Variants in CCNJL observed in about 807,000 individuals in gnomAD.
CCNJL encodes the protein cyclin-J-like protein.
Under a neutral mutation model 33.4 loss-of-function variants are expected in CCNJL, and 33 were observed. That is an observed-to-expected ratio of 0.99 (90% CI 0.75 to 1.32). The LOEUF (loss-of-function observed/expected upper bound fraction) is 1.32. CCNJL is among the 40% of genes most tolerant of loss of function. The probability of loss-of-function intolerance (pLI) is 0.00; values close to 1 mark genes in which losing one functional copy is unlikely to be tolerated. For missense variants in CCNJL, 512 were observed against 499.7 expected, an observed-to-expected ratio of 1.02 and a Z score of -0.23; for synonymous variants, 227 against 220.9, an observed-to-expected ratio of 1.03 and a Z score of -0.24.
chr5:160,292,669 T>C (rs1424929310), intron 2 of CCNJL, among the ~76,000 whole-genome samples: 2 of 136,874 alleles, frequency 1.5e-5, no homozygotes, highest in African/African-American at 3.2e-5. Context: ...TGTGTGTGTA[T>C]ATATATATAG....
intron 2 of CCNJL, among the ~76,000 whole-genome samples, chr5:160,308,418 G>A (rs899567797): frequency 4.6e-5 from 7 of 152,228 alleles, no homozygotes; most frequent in Admixed American, 1.3e-4. Context: ...GTCTCTTCTC[G>A]TGTAGCATGT....
chr5:160,292,659 T>C (rs927515581), intron 2 of CCNJL, among the ~76,000 whole-genome samples: 1 of 143,302 alleles, frequency 7.0e-6, no homozygotes, highest in South Asian at 2.2e-4. Context: ...ATATGTAACA[T>C]GTGTGTGTAT....
intron 1 of CCNJL, among the ~76,000 whole-genome samples, chr5:160,321,120 T>G (rs1217247409): frequency 6.7e-6 from 1 of 150,040 alleles, no homozygotes. Flanking sequence ...CTCTTTTTTT[T>G]CCACCATGTG....
intron 1 of CCNJL, among the ~76,000 whole-genome samples, chr5:160,336,893 ATCGT>A (rs1763688921): frequency 6.6e-6 from 1 of 150,464 alleles, no homozygotes; most frequent in Non-Finnish European, 1.5e-5. Context: ...CCAAAATTAC[ATCGT>A]TTCTTACCTC....
intron 3 of CCNJL, among the ~76,000 whole-genome samples, chr5:160,266,867 C>G (rs533570872): frequency 6.6e-6 from 1 of 152,294 alleles, no homozygotes; most frequent in Admixed American, 6.5e-5. Flanking sequence ...GGACTGGAGT[C>G]GTTACAGCTT....
intron 2 of CCNJL, chr5:160,294,830 G>A (rs1308099038): frequency 1.3e-5 from 2 of 152,252 alleles, no homozygotes; most frequent in Admixed American, 6.5e-5. Flanking sequence ...TCTGTCACAG[G>A]TCCAATTCTT....
chr5:160,288,513 TTTTTTCTTTTCCTTTC>T (rs1419591460), intron 2 of CCNJL, among the ~76,000 whole-genome samples: 2 of 152,164 alleles, frequency 1.3e-5, no homozygotes, highest in Non-Finnish European at 2.9e-5. Flanking sequence ...AATTTTCCAT[TTTTTTCTTTTCCTTTC>T]TTTTTCTTTT....
intron 1 of CCNJL, among the ~76,000 whole-genome samples, chr5:160,324,866 G>A (rs1041659829): frequency 1.4e-4 from 22 of 152,110 alleles, no homozygotes; most frequent in East Asian, 7.7e-4. Context: ...TGTTACACAC[G>A]TTTTTCCTGC....
At position 160,255,713 on chromosome 5, in the gene CCNJL, A is replaced by C. The variant is rs1418071648; in HGVS notation, c.584-5T>G. ...GGAATTTGTAGAATATGTGATCTGAAAGAAAGCCACGGAGGGAGTCAGCAT... is the reference window on the plus strand; with the variant it reads ...GGAATTTGTAGAATATGTGATCTGACAGAAAGCCACGGAGGGAGTCAGCAT... On this transcript the variant is annotated splice_region_variant and splice_polypyrimidine_tract_variant and intron_variant, in intron 4 of 5. Transcript: ENST00000257536. 1 of 1,613,234 alleles carries C rather than the reference A, an allele frequency of 6.2e-7. No individual in the cohort carries two copies. Among genetic ancestry groups the C allele is most frequent in the Non-Finnish European group, 8.5e-7 (1 of 1,179,928 alleles).
intron 2 of CCNJL, among the ~76,000 whole-genome samples, chr5:160,309,742 T>C (rs1763204916): frequency 6.6e-6 from 1 of 152,180 alleles, no homozygotes; most frequent in Non-Finnish European, 1.5e-5. Flanking sequence ...AGGAGAACAA[T>C]AGCAGTATTT....
chr5:160,308,865 A>G (rs188473148), intron 2 of CCNJL, among the ~76,000 whole-genome samples: 16 of 152,396 alleles, frequency 1.0e-4, no homozygotes, highest in African/African-American at 3.6e-4. Flanking sequence ...GAGAGGCAGC[A>G]ATAGATTAAG....
At chr5:160,299,404 G>T (rs1410059915) in intron 2 of CCNJL, among the ~76,000 whole-genome samples, 1 of 151,826 alleles carries the variant, frequency 6.6e-6, no homozygotes, top group Admixed American at 6.6e-5. Context: ...CACCCACCTC[G>T]GCCTCCCAAA....
At chr5:160,317,297 C>T (rs75963578), upstream of CCNJL, among the ~76,000 whole-genome samples, 4,590 of 152,266 alleles carry the variant, frequency 0.03, 107 homozygotes, top group South Asian at 0.059. Context: ...GAACTCAAAG[C>T]CTAGGACATT....
upstream of CCNJL, among the ~76,000 whole-genome samples, chr5:160,315,910 G>A (rs760404935): frequency 3.7e-4 from 56 of 152,040 alleles, no homozygotes; most frequent in Non-Finnish European, 7.1e-4. Flanking sequence ...AAAGAAGACA[G>A]GCCTTTATTA....
intron 2 of CCNJL, among the ~76,000 whole-genome samples, chr5:160,303,319 C>T (rs1485277510): frequency 1.3e-5 from 2 of 152,114 alleles, no homozygotes; most frequent in Non-Finnish European, 2.9e-5. Context: ...GATTCTCCTG[C>T]CTCGGCCTCC....
intron 1 of CCNJL, among the ~76,000 whole-genome samples, chr5:160,322,198 G>A (rs1242468254): frequency 1.3e-5 from 2 of 152,202 alleles, no homozygotes; most frequent in Admixed American, 1.3e-4. Flanking sequence ...AAAGGGTGAA[G>A]TTCCCATTTA....
intron 2 of CCNJL, among the ~76,000 whole-genome samples, chr5:160,305,780 T>C (rs979829764): frequency 6.6e-6 from 1 of 152,200 alleles, no homozygotes. Context: ...CTGGGGTTAA[T>C]CCTAACACTA....
At chr5:160,315,301 T>TCCCGCA (rs1466377142), upstream of CCNJL, 2 of 155,056 alleles carry the variant, frequency 1.3e-5, no homozygotes, top group Non-Finnish European at 2.7e-5. Flanking sequence ...CATAGCAAGA[T>TCCCGCA]CCCGCCCCCG....
chr5:160,296,002 T>G (rs917906429), intron 2 of CCNJL, among the ~76,000 whole-genome samples: 1 of 152,212 alleles, frequency 6.6e-6, no homozygotes. Context: ...AACTATAACC[T>G]CCATGACACA....
Sources: gnomAD v4.1 joint callset for allele counts (sites outside exome capture counted in the v4.1 genomes callset) on GRCh38, gnomAD v4.1.1 for gene constraint, MANE v1.5 for transcripts, NCBI Gene and HGNC (gene_info 2026-07-23, HGNC 2026-07-21) for gene names.